RTTN: variants seen among roughly 807,000 people sequenced by gnomAD.
RTTN encodes rotatin.
Under a neutral mutation model 269.2 loss-of-function variants are expected in RTTN, and 182 were observed. The ratio of observed to expected loss-of-function variants is 0.68; its 90% CI spans 0.60 to 0.76. The LOEUF (loss-of-function observed/expected upper bound fraction) is 0.76. RTTN is among the 30% of genes least tolerant of loss of function. RTTN has a pLI of 0.00. For synonymous variants in RTTN, 1,006 were observed against 963.5 expected (o/e 1.04, Z -0.82); for missense variants, 2,545 against 2,608.6 (o/e 0.98, Z 0.53).
chr18:70,145,033 T>C (rs970399832), intron 18 of RTTN, among the ~76,000 whole-genome samples: 2 of 152,222 alleles, frequency 1.3e-5, no homozygotes, highest in African/African-American at 4.8e-5. Context: ...CCGCTGCCCA[T>C]TGCTGCCATT....
intron 12 of RTTN, among the ~76,000 whole-genome samples, chr18:70,168,039 T>A (rs2061037470): frequency 6.6e-6 from 1 of 151,026 alleles, no homozygotes; most frequent in Admixed American, 6.6e-5. Context: ...TACTAGTTGC[T>A]TAGGAGGCCA....
intron 10 of RTTN, among the ~76,000 whole-genome samples, chr18:70,187,106 T>G (rs1312297607): frequency 1.3e-5 from 2 of 152,220 alleles, no homozygotes; most frequent in African/African-American, 4.8e-5. Flanking sequence ...CCCATTATTC[T>G]TTGTACATAA....
chr18:70,183,225 C>T (rs2061458863), intron 10 of RTTN, among the ~76,000 whole-genome samples: 1 of 152,176 alleles, frequency 6.6e-6, no homozygotes, highest in African/African-American at 2.4e-5. Flanking sequence ...AAGAGTCTGA[C>T]AGTCTCGATG....
At position 70,020,674 on chromosome 18, in the gene RTTN, C is replaced by A; in HGVS notation, c.6094G>T (p.Val2032Phe). The change falls in exon 45 of 49, where the codon GTT (valine) becomes TTT (phenylalanine). Residue 2032 changes from valine to phenylalanine, a missense_variant. Val to Phe is a conservative substitution (Grantham distance 50). Coordinates refer to ENST00000640769, the MANE Select transcript of RTTN (RefSeq NM_173630.4). ...PLENTTVQQM[V>F]FMLLSNLALS... ...GCCAGGTTTGAAAGAAGCATAAAAA[C>A]CATCTGCTGAACCGTGGTGTTCTCC... 6.2e-7 allele frequency: 1 copy of A among 1,614,070 alleles called. No homozygotes were observed. The highest frequency in any genetic ancestry group is 8.5e-7 in the Non-Finnish European group (1 of 1,179,936).
Position 70,059,919 on chromosome 18 carries a change from A to G in RTTN, c.4871T>C (p.Leu1624Pro). The change falls in exon 36 of 49, where the codon CTC becomes CCC. Residue 1624 changes from leucine to proline, a missense_variant. Coordinates refer to ENST00000640769, the MANE Select transcript of RTTN (RefSeq NM_173630.4). ...LSAMCSLLDN[L>P]LTIAPRDTAK... ...AGTGTCTCTGGGAGCAATCGTCAAG[A>G]GGTTGTCCAAGAGGCTGCACATTGC... The G allele has an allele frequency of 1.2e-6, 2 of 1,613,890 alleles. No homozygotes were observed. The highest frequency in any genetic ancestry group is 1.7e-6 in the Non-Finnish European group (2 of 1,179,818).
intron 28 of RTTN, among the ~76,000 whole-genome samples, chr18:70,097,886 C>G (rs2059044365): frequency 1.3e-5 from 2 of 152,184 alleles, no homozygotes; most frequent in South Asian, 4.1e-4. Flanking sequence ...AACAAAAGCA[C>G]TTCTGATAGT....
chr18:70,190,224 A>T (rs1162911297), intron 9 of RTTN, among the ~76,000 whole-genome samples: 1 of 152,066 alleles, frequency 6.6e-6, no homozygotes, highest in Admixed American at 6.5e-5. Context: ...CAGTCCAAAA[A>T]AAAAAGAAAA....
intron 14 of RTTN, among the ~76,000 whole-genome samples, chr18:70,155,995 A>T (rs1244936176): frequency 1.3e-5 from 2 of 152,166 alleles, no homozygotes; most frequent in Non-Finnish European, 2.9e-5. Flanking sequence ...ATGTCGCCTC[A>T]GGACCCTGTG....
intron 38 of RTTN, among the ~76,000 whole-genome samples, chr18:70,052,894 T>C (rs2057714868): frequency 6.6e-6 from 1 of 152,192 alleles, no homozygotes; most frequent in Non-Finnish European, 1.5e-5. Flanking sequence ...CTTTCAGCGC[T>C]TGATATAATT....
chr18:70,092,355 C>G (rs2058872898), intron 29 of RTTN, 135 bp from the exon 30 acceptor site: 11 of 651,102 alleles, frequency 1.7e-5, no homozygotes, highest in Non-Finnish European at 2.8e-5. Flanking sequence ...CATTATTCAG[C>G]CAAAAAAGGC....
intron 6 of RTTN, among the ~76,000 whole-genome samples, chr18:70,197,223 G>A (rs1220984449): frequency 2.0e-5 from 3 of 152,110 alleles, no homozygotes; most frequent in Non-Finnish European, 4.4e-5. Context: ...TAGAAAAAAA[G>A]AAAAGAATCC....
At chr18:70,123,946 T>C (rs113454447) in intron 25 of RTTN, among the ~76,000 whole-genome samples, 119 of 152,014 alleles carry the variant, frequency 7.8e-4, no homozygotes, top group African/African-American at 2.5e-3. Context: ...ATTCACCCCA[T>C]GCCACAGCAC....
chr18:70,011,005 CT>C (rs1204955511), intron 46 of RTTN, among the ~76,000 whole-genome samples: 1 of 152,122 alleles, frequency 6.6e-6, no homozygotes, highest in Non-Finnish European at 1.5e-5. Context: ...GGATGAATTC[CT>C]GGACACATAC....
chr18:70,057,767 G>A lies in RTTN; in HGVS notation c.5006C>T (p.Pro1669Leu). ...QELRALLPSS[P>L]PAEHTQAQVS... ...CTGAGCCTGAGTGTGTTCAGCTGGA[G>A]GTGATGAAGGCAGCAGGGCTCTGAG... The change falls in exon 37 of 49, where the codon CCT becomes CTT. Residue 1669 changes from proline (P) to leucine (L), a missense_variant. Pro to Leu is a moderately conservative substitution (Grantham distance 98). Coordinates refer to ENST00000640769, the MANE Select transcript of RTTN (RefSeq NM_173630.4). The A allele has an allele frequency of 6.2e-7, 1 of 1,613,802 alleles. No homozygotes were observed. Among genetic ancestry groups the A allele is most frequent in the Non-Finnish European group, 8.5e-7 (1 of 1,179,772 alleles).
chr18:70,133,028 G>A (rs1441083802), intron 23 of RTTN, among the ~76,000 whole-genome samples: 1 of 152,032 alleles, frequency 6.6e-6, no homozygotes, highest in African/African-American at 2.4e-5. Flanking sequence ...AGACATCTAG[G>A]AATAAACTAT....
At chr18:70,109,417 G>T (rs1350619700) in intron 28 of RTTN, 81 bp downstream of exon 28, 2 of 949,014 alleles carry the variant, frequency 2.1e-6, no homozygotes, top group Non-Finnish European at 1.7e-6. Context: ...ATTGAATAGA[G>T]TAACGTATAA....
chr18:70,081,541 C>A (rs1042749158), intron 32 of RTTN, among the ~76,000 whole-genome samples: 29 of 151,966 alleles, frequency 1.9e-4, no homozygotes, highest in African/African-American at 7.0e-4. Flanking sequence ...CACTGAGAAC[C>A]CATCACTTCT....
intron 18 of RTTN, among the ~76,000 whole-genome samples, chr18:70,143,960 G>A (rs2060325259): frequency 1.3e-5 from 2 of 151,674 alleles, no homozygotes; most frequent in Admixed American, 1.3e-4. Context: ...CCTGGGCTCA[G>A]GTGATTCTCC....
At chr18:70,176,176 T>TACGTAG in intron 11 of RTTN, among the ~76,000 whole-genome samples, 1 of 150,976 alleles carries the variant, frequency 6.6e-6, no homozygotes, top group Non-Finnish European at 1.5e-5. Flanking sequence ...TGTATATGTA[T>TACGTAG]ATGTATACGT....
Sources: gnomAD v4.1 joint callset for allele counts (sites outside exome capture counted in the v4.1 genomes callset) on GRCh38, gnomAD v4.1.1 for gene constraint, MANE v1.5 for transcripts, NCBI Gene and HGNC (gene_info 2026-07-23, HGNC 2026-07-21) for gene names.